ZSWIM8: variants seen among roughly 807,000 people sequenced by gnomAD.
The protein encoded by ZSWIM8 is zinc finger SWIM-type containing 8, also known as zinc finger SWIM domain-containing protein 8.
ZSWIM8 carries 27 observed loss-of-function variants against 173.7 expected under a neutral mutation model. The observed-to-expected ratio is 0.16, with a 90% CI of 0.11 to 0.21. The LOEUF is 0.21. Ranked by LOEUF, ZSWIM8 falls within the 10% of genes least tolerant of loss-of-function variation. The probability of loss-of-function intolerance (pLI) is 1.00; values close to 1 mark genes in which losing one functional copy is unlikely to be tolerated. For missense variants in ZSWIM8, 1,627 were observed against 2,428.8 expected (o/e 0.67, Z 6.94); for synonymous variants, 958 against 962.0 (o/e 1.00, Z 0.08).
intron 15 of ZSWIM8, chr10:73,796,174 C>A (rs1011582824): frequency 9.6e-6 from 2 of 207,482 alleles, no homozygotes; most frequent in Non-Finnish European, 2.0e-5. Flanking sequence ...CATAGTGAGA[C>A]CCTGTCTCTA....
In ZSWIM8 at chr10:73,800,496, C is replaced by T; in HGVS notation, c.5002+24C>T. 3 of 1,611,964 alleles carry T rather than the reference C, an allele frequency of 1.9e-6. No homozygotes were observed. The highest frequency in any genetic ancestry group is 2.5e-6 in the Non-Finnish European group (3 of 1,178,786). Reference sequence around the variant, plus strand: ...CGGTGAGAGGACATCCCTTTCTGTGCTCCTACCTGCAGTTGTGCCAGTGGC... The same window carrying T: ...CGGTGAGAGGACATCCCTTTCTGTGTTCCTACCTGCAGTTGTGCCAGTGGC... On this transcript the variant is annotated intron_variant, in intron 23 of 25. Transcript: ENST00000604729. The surrounding 1 kb of genome is among the most constrained non-coding windows in gnomAD (Gnocchi z 4.1).
chr10:73,797,115 A>G lies in ZSWIM8; in HGVS notation c.3277A>G (p.Ser1093Gly), dbSNP rs1420649005. ...AGCGTCCTGTTTTCCTCACCTAGAG[A>G]GTTCCCCACATTCCCCCTGTGAGGG... ...EGFTEKNVPE[S>G]SPHSPCEGLP... The change falls in exon 17 of 26, where the codon AGT (serine) becomes GGT (glycine). Residue 1093 changes from serine (S) to glycine (G), a missense_variant and splice_region_variant. By Grantham distance (56) the Ser-to-Gly change is moderately conservative (BLOSUM62 0). This residue lies in a region of ZSWIM8 where 163 missense variants were observed against 193.2 expected (regional missense o/e 0.84). Coordinates refer to ENST00000604729, the MANE Select transcript of ZSWIM8 (RefSeq NM_001367799.1). This position sits in a 1 kb window ranked among gnomAD's most constrained non-coding sequence, Gnocchi z 5.6. 7 of 1,613,410 alleles carry G rather than the reference A, an allele frequency of 4.3e-6. No individual in the cohort carries two copies. Among genetic ancestry groups the G allele is most frequent in the Non-Finnish European group, 5.9e-6 (7 of 1,179,702 alleles).
In ZSWIM8 at chr10:73,796,888, G is replaced by A. The variant is rs754606828; in HGVS notation, c.3148G>A (p.Gly1050Arg). 1.2e-5 allele frequency: 19 copies of A among 1,613,888 alleles called. 1 individual carries two copies. The highest frequency in any genetic ancestry group is 6.7e-5 in the Admixed American group (4 of 60,006). The part of the protein sequence containing the change: ...TASQRSPSKH[G>R]GPSAPGALQP... The stretch of plus-strand genomic sequence containing the variant: ...CAGCCAGAGGTCTCCTTCAAAGCAC[G>A]GGGGCCCATCTGCCCCAGGGGCCCT... The change falls in exon 16 of 26, where the codon GGG becomes AGG. Residue 1050 changes from glycine to arginine, a missense_variant. Physicochemically the swap from Gly to Arg is moderately radical, Grantham distance 125 (BLOSUM62 -2). Coordinates refer to ENST00000604729, the MANE Select transcript of ZSWIM8 (RefSeq NM_001367799.1).
rs1037138025 is a variant in ZSWIM8 at position 73,801,674 on chromosome 10, A to AGAT, written c.*157_*159dup. On this transcript the variant is annotated 3_prime_UTR_variant, in exon 26 of 26. Transcript: ENST00000604729. This position sits in a 1 kb window ranked among gnomAD's most constrained non-coding sequence, Gnocchi z 4.9. The stretch of plus-strand genomic sequence containing the variant: ...GCTCTTGGGCTATAGCTTGGGGCCA[A>AGAT]GATGTCTCACACCCTAGAAGCCTAG... 58 of 1,534,852 alleles carry AGAT rather than the reference A, an allele frequency of 3.8e-5. No homozygotes were observed. The highest frequency in any genetic ancestry group is 5.0e-5 in the Non-Finnish European group (57 of 1,146,480).
intron 14 of ZSWIM8, 120 bp from the exon 15 acceptor site, chr10:73,795,419 G>A (rs1389054392): frequency 4.6e-5 from 68 of 1,478,016 alleles, no homozygotes; most frequent in Non-Finnish European, 6.2e-5. Flanking sequence ...AGGTGATGTG[G>A]GTTGGACCAA....
chr10:73,790,940 T>TA (rs775707355), intron 7 of ZSWIM8, 35 bp from the exon 8 acceptor site: 2 of 1,581,888 alleles, frequency 1.3e-6, no homozygotes, highest in Non-Finnish European at 8.6e-7. Flanking sequence ...AGCCCCGTCT[T>TA]ACTGTCATGG....
Position 73,800,089 on chromosome 10 carries a change from T to C in ZSWIM8, c.4744T>C (p.Phe1582Leu). The change falls in exon 22 of 26, where the codon TTC (phenylalanine) becomes CTC (leucine). Residue 1582 changes from phenylalanine (F) to leucine (L), a missense_variant. Around this residue, in one of 18 missense-constraint regions of ZSWIM8, gnomAD observed 275 missense variants for 290.1 expected, o/e 0.95. Coordinates refer to ENST00000604729, the MANE Select transcript of ZSWIM8 (RefSeq NM_001367799.1). This position sits in a 1 kb window ranked among gnomAD's most constrained non-coding sequence, Gnocchi z 4.1. ...PPSLAATAVSFPVPSMAPITV... is the reference protein window; with the variant it reads ...PPSLAATAVSLPVPSMAPITV... The stretch of plus-strand genomic sequence containing the variant: ...CTCACTTGCTGCCACTGCTGTGTCT[T>C]TCCCCGTTCCTTCCATGGCACCCAT... 3 of 1,613,858 alleles carry C rather than the reference T, an allele frequency of 1.9e-6. No individual in the cohort carries two copies. Among genetic ancestry groups the C allele is most frequent in the African/African-American group, 1.3e-5 (1 of 75,016 alleles).
Position 73,785,842 on chromosome 10 carries a change from C to T in ZSWIM8, c.-37C>T. 6.8e-7 allele frequency: 1 copy of T among 1,470,388 alleles called. No homozygotes were observed. The highest frequency in any genetic ancestry group is 3.0e-5 in the East Asian group (1 of 33,734). 91.1% of individuals were successfully genotyped at this position (1,470,388 alleles called of 1,614,324 possible). On this transcript the variant is annotated 5_prime_UTR_variant, in exon 1 of 26. Transcript: ENST00000604729. ...CGGCCGGCGGCCCAGGCCCCGGATC[C>T]GCGGGGGGGGACCCGGCCCCGGGGG...
Position 73,786,327 on chromosome 10 carries a change from GGTGTGTGT to G in ZSWIM8, c.208+253_208+260del, listed in dbSNP as rs575266137. 15 of 418,200 alleles carry G rather than the reference GGTGTGTGT, an allele frequency of 3.6e-5. No individual in the cohort carries two copies. In the Admixed American group the frequency reaches 4.4e-4, roughly 12 times the overall value. 25.9% of individuals were successfully genotyped at this position (418,200 alleles called of 1,614,324 possible). A position where few individuals can be genotyped will look rare whatever the true frequency, so the allele number is the denominator to read the frequency against. ...GCTTCTCCACACCTGTGTGTGTGTGGGTGTGTGTGTGTGTGTGTGCGCGCGCGCGCGTG... is the reference window on the plus strand; with the variant it reads ...GCTTCTCCACACCTGTGTGTGTGTGGGTGTGTGTGTGCGCGCGCGCGCGTG... On this transcript the variant is annotated intron_variant, in intron 1 of 25. Coordinates refer to ENST00000604729, the MANE Select transcript of ZSWIM8 (RefSeq NM_001367799.1).
chr10:73,789,650 G>C lies in ZSWIM8; in HGVS notation c.631-67G>C, dbSNP rs1308915347. On this transcript the variant is annotated intron_variant, in intron 4 of 25. Coordinates refer to ENST00000604729, the MANE Select transcript of ZSWIM8 (RefSeq NM_001367799.1). This position sits in a 1 kb window ranked among gnomAD's most constrained non-coding sequence, Gnocchi z 6.8. ...CTCGCCTCGCCTACTCTGCCTCTCT[G>C]TCCCCCAGCTCCAGCTCCAGCAAAC... 5 of 1,550,434 alleles carry C rather than the reference G, an allele frequency of 3.2e-6. No homozygotes were observed. Among genetic ancestry groups the C allele is most frequent in the Non-Finnish European group, 3.5e-6 (4 of 1,143,196 alleles).
intron 20 of ZSWIM8, among the ~76,000 whole-genome samples, 172 bp downstream of exon 20, chr10:73,798,625 C>T (rs2083775949): frequency 1.3e-5 from 2 of 152,188 alleles, no homozygotes; most frequent in African/African-American, 2.4e-5. Flanking sequence ...CCCATCTTTC[C>T]TTTACCTTAC....
Position 73,798,015 on chromosome 10 carries a change from T to C in ZSWIM8, c.3897T>C (p.Phe1299=). Residue 1299 remains phenylalanine (F), a synonymous_variant, in exon 19 of 26, where the codon TTT becomes TTC. Coordinates refer to ENST00000604729, the MANE Select transcript of ZSWIM8 (RefSeq NM_001367799.1). ...IGLYALGLHN[F]VSPNWLSRTY... Reference sequence around the variant, plus strand: ...TTTATGCCCTTGGCCTGCACAACTTTGTTTCTCCCAACTGGCTCTCACGTA... The same window carrying C: ...TTTATGCCCTTGGCCTGCACAACTTCGTTTCTCCCAACTGGCTCTCACGTA... 6.2e-7 allele frequency: 1 copy of C among 1,614,042 alleles called. No individual in the cohort carries two copies. The highest frequency in any genetic ancestry group is 1.1e-5 in the South Asian group (1 of 91,086).
intron 14 of ZSWIM8, chr10:73,794,926 TAA>T (rs34754583): frequency 6.4e-3 from 585 of 91,646 alleles, no homozygotes; most frequent in South Asian, 0.026. Context: ...CATCTCTACT[TAA>T]AAAAAAAAAA....
Position 73,800,852 on chromosome 10 carries a change from G to A in ZSWIM8, c.5122+93G>A. ...ACCTCCTTCCTAGCTCTTGCTCAGA[G>A]TTGAGGCCTTGGTCGGGTATGTGTG... On this transcript the variant is annotated intron_variant, in intron 24 of 25. Transcript: ENST00000604729. This position sits in a 1 kb window ranked among gnomAD's most constrained non-coding sequence, Gnocchi z 4.1. 1 of 1,210,538 alleles carries A rather than the reference G, an allele frequency of 8.3e-7. No individual in the cohort carries two copies. 75.0% of individuals were successfully genotyped at this position (1,210,538 alleles called of 1,614,324 possible). A position where few individuals can be genotyped will look rare whatever the true frequency, so the allele number is the denominator to read the frequency against.
In ZSWIM8 at chr10:73,800,631, A is replaced by G. The variant is rs943687523; in HGVS notation, c.5003-9A>G. The stretch of plus-strand genomic sequence containing the variant: ...CCGTACCATGTGCCCACCCTTATCT[A>G]TCTCCCAGGAATGCTGGCACTGGAG... On this transcript the variant is annotated splice_polypyrimidine_tract_variant and intron_variant, in intron 23 of 25. Transcript: ENST00000604729. The surrounding 1 kb of genome is among the most constrained non-coding windows in gnomAD (Gnocchi z 4.1). The G allele has an allele frequency of 1.4e-5, 22 of 1,613,174 alleles. No individual in the cohort carries two copies. The highest frequency in any genetic ancestry group is 1.7e-4 in the Middle Eastern group (1 of 6,056).
At chr10:73,795,685 C>T (rs370254376) in intron 15 of ZSWIM8, 22 bp downstream of exon 15, 70 of 1,604,792 alleles carry the variant, frequency 4.4e-5, no homozygotes, top group Non-Finnish European at 5.3e-5. Flanking sequence ...GGGCTGGGTG[C>T]GGTGGCTCAT....
chr10:73,792,240 A>G lies in ZSWIM8; in HGVS notation c.1701A>G (p.Ser567=). The change falls in exon 10 of 26, where the codon TCA becomes TCG. Residue 567 remains serine (S), a synonymous_variant. Transcript: ENST00000604729. The surrounding 1 kb of genome is among the most constrained non-coding windows in gnomAD (Gnocchi z 4.3). ...PSSQRGPRRL[S]AEGGDKALHK... ...CACAGCGGGGTCCCCGCCGCCTCTC[A>G]GCTGAAGGGGGAGATAAAGCTCTAC... is the stretch of plus-strand genomic sequence containing the variant. 1.3e-6 allele frequency: 2 copies of G among 1,566,392 alleles called. No individual in the cohort carries two copies. Among genetic ancestry groups the G allele is most frequent in the Non-Finnish European group, 1.7e-6 (2 of 1,155,096 alleles).
In ZSWIM8 at chr10:73,799,422, C is replaced by A; in HGVS notation, c.4597C>A (p.Pro1533Thr). The A allele has an allele frequency of 6.2e-7, 1 of 1,609,244 alleles. No individual in the cohort carries two copies. The highest frequency in any genetic ancestry group is 8.5e-7 in the Non-Finnish European group (1 of 1,178,012). ...SPQYLTHPAHPAHPMPHMPRP... is the reference protein window; with the variant it reads ...SPQYLTHPAHTAHPMPHMPRP... Reference sequence around the variant, plus strand: ...TCAGTATCTCACTCACCCAGCTCACCCTGCCCACCCCATGCCTCACATGCC... The same window carrying A: ...TCAGTATCTCACTCACCCAGCTCACACTGCCCACCCCATGCCTCACATGCC... The change falls in exon 21 of 26, where the codon CCT becomes ACT. Residue 1533 changes from proline (P) to threonine (T), a missense_variant. By Grantham distance (38) the Pro-to-Thr change is conservative. Around this residue, in one of 18 missense-constraint regions of ZSWIM8, gnomAD observed 275 missense variants for 290.1 expected, o/e 0.95. Transcript: ENST00000604729.
Position 73,792,477 on chromosome 10 carries a change from C to A in ZSWIM8, c.1938C>A (p.Pro646=), listed in dbSNP as rs1276838938. 4.3e-6 allele frequency: 7 copies of A among 1,611,650 alleles called. No homozygotes were observed. The African/African-American group carries it at 6.7e-5, about 15-fold the overall frequency. The change falls in exon 10 of 26, where the codon CCC becomes CCA. Residue 646 remains proline (P), a synonymous_variant. Coordinates refer to ENST00000604729, the MANE Select transcript of ZSWIM8 (RefSeq NM_001367799.1). The surrounding 1 kb of genome is among the most constrained non-coding windows in gnomAD (Gnocchi z 4.3). ...TFGGFPESPP[P]CPLHGGSRGP... is the part of the protein sequence containing the mutation. ...GGGGATTCCCTGAGAGCCCTCCACC[C>A]TGTCCTCTCCACGGTGGCTCCCGAG... is the stretch of plus-strand genomic sequence containing the variant.
Sources: gnomAD v4.1 joint callset for allele counts (sites outside exome capture counted in the v4.1 genomes callset) on GRCh38, gnomAD v4.1.1 for gene constraint, gnomAD v4.1.1 regional missense constraint, Gnocchi (gnomAD v3.1) non-coding constraint, MANE v1.5 for transcripts, NCBI Gene and HGNC (gene_info 2026-07-23, HGNC 2026-07-21) for gene names.